GTF2IRD1: variants seen among roughly 807,000 people sequenced by gnomAD.
The protein encoded by GTF2IRD1 is general transcription factor II-I repeat domain-containing protein 1.
A neutral mutation model predicts 113.2 loss-of-function variants in GTF2IRD1; 26 were observed. That is an observed-to-expected ratio of 0.23 (90% confidence interval 0.17 to 0.32). GTF2IRD1 has a LOEUF of 0.32. Ranked by LOEUF, GTF2IRD1 falls within the 10% of genes least tolerant of loss-of-function variation. The pLI is 1.00. For missense variants in GTF2IRD1, 864 were observed against 1,280.8 expected, an observed-to-expected ratio of 0.67 and a Z score of 4.97; for synonymous variants, 484 against 529.1, an observed-to-expected ratio of 0.91 and a Z score of 1.17.
chr7:74,508,924 A>G (rs73364478), intron 2 of GTF2IRD1, among the ~76,000 whole-genome samples: 15,172 of 152,016 alleles, frequency 0.1, 1,872 homozygotes, highest in East Asian at 0.39. Flanking sequence ...AGAGAAACCG[A>G]GCTTTGTATA....
At position 74,602,561 on chromosome 7, in the gene GTF2IRD1, C is replaced by A; in HGVS notation, c.*128C>A. The A allele has an allele frequency of 3.5e-6, 2 of 563,666 alleles. No homozygotes were observed. The highest frequency in any genetic ancestry group is 3.9e-5 in the South Asian group (1 of 25,842). 34.9% of individuals were successfully genotyped at this position (563,666 alleles called of 1,614,324 possible). A position where few individuals can be genotyped will look rare whatever the true frequency, so the allele number is the denominator to read the frequency against. The stretch of plus-strand genomic sequence containing the variant: ...AATGATTTTTACACTATATTCCTGC[C>A]ACCAAGGCCTTTTTAAATAAGTAAA... On this transcript the variant is annotated 3_prime_UTR_variant, in exon 27 of 27. Transcript: ENST00000424337.
intron 2 of GTF2IRD1, among the ~76,000 whole-genome samples, chr7:74,511,611 C>T (rs1333934845): frequency 3.3e-5 from 5 of 152,204 alleles, no homozygotes; most frequent in African/African-American, 9.7e-5. Context: ...GGCCCCACGC[C>T]GCGTGCACCT....
intron 10 of GTF2IRD1, among the ~76,000 whole-genome samples, 195 bp from the exon 11 acceptor site, chr7:74,535,972 C>T (rs1399660895): frequency 2.6e-5 from 4 of 152,210 alleles, no homozygotes; most frequent in African/African-American, 4.8e-5. Context: ...GCTGCTGTTC[C>T]TCCTTCTGGC....
At chr7:74,557,837 G>A (rs1799694055) in intron 20 of GTF2IRD1, 115 bp downstream of exon 20, 1 of 656,354 alleles carries the variant, frequency 1.5e-6, no homozygotes, top group Non-Finnish European at 2.7e-6. Context: ...CCCTTTACAT[G>A]TATTTCTTGA....
At chr7:74,465,497 A>G (rs1033804352) in intron 1 of GTF2IRD1, among the ~76,000 whole-genome samples, 1 of 152,174 alleles carries the variant, frequency 6.6e-6, no homozygotes, top group Admixed American at 6.6e-5. Context: ...TCTGAGCCTC[A>G]TCTGAAAAAA....
At chr7:74,582,118 C>T (rs1290889424) in intron 22 of GTF2IRD1, among the ~76,000 whole-genome samples, 2 of 152,250 alleles carry the variant, frequency 1.3e-5, no homozygotes, top group Non-Finnish European at 2.9e-5. Context: ...GTCTCGGTTG[C>T]AGCGGGGGCC....
At chr7:74,589,484 G>C (rs1245649148) in intron 22 of GTF2IRD1, among the ~76,000 whole-genome samples, 2 of 152,048 alleles carry the variant, frequency 1.3e-5, no homozygotes, top group Non-Finnish European at 2.9e-5. Context: ...GATCACCTGA[G>C]CCAGGAGTTT....
At chr7:74,554,065 T>C (rs587720936) in intron 17 of GTF2IRD1, among the ~76,000 whole-genome samples, 18 of 152,282 alleles carry the variant, frequency 1.2e-4, no homozygotes, top group African/African-American at 4.1e-4. Context: ...CCTGAGAGTT[T>C]GGCCTTTGGG....
intron 17 of GTF2IRD1, among the ~76,000 whole-genome samples, chr7:74,550,058 C>T (rs1799213559): frequency 6.6e-6 from 1 of 151,208 alleles, no homozygotes; most frequent in East Asian, 1.9e-4. Flanking sequence ...ATTAGCCAGG[C>T]ATGGTGGCAT....
chr7:74,518,981 A>G (rs1797108858), intron 5 of GTF2IRD1, among the ~76,000 whole-genome samples: 1 of 152,182 alleles, frequency 6.6e-6, no homozygotes, highest in African/African-American at 2.4e-5. Context: ...TTAGGGATCC[A>G]GGGGAGATTA....
chr7:74,482,857 A>G (rs1469104317), intron 1 of GTF2IRD1, among the ~76,000 whole-genome samples: 2 of 152,142 alleles, frequency 1.3e-5, no homozygotes, highest in African/African-American at 4.8e-5. Context: ...TGCCTTTTCC[A>G]ATAGACGGGG....
intron 22 of GTF2IRD1, among the ~76,000 whole-genome samples, chr7:74,561,333 G>A (rs117884938): frequency 0.016 from 2,227 of 138,692 alleles, 35 homozygotes; most frequent in Non-Finnish European, 0.02. Context: ...TGGGCGACGG[G>A]ACTAGATTGT....
intron 21 of GTF2IRD1, among the ~76,000 whole-genome samples, chr7:74,559,268 A>C (rs1554358305): frequency 6.6e-6 from 1 of 152,180 alleles, no homozygotes; most frequent in Non-Finnish European, 1.5e-5. Context: ...TGGCAAGGGC[A>C]GCCTTTGAGG....
Position 74,545,752 on chromosome 7 carries a change from G to A in GTF2IRD1, c.1675G>A (p.Gly559Ser), listed in dbSNP as rs782304881. ...PEERPVEDSH[G>S]DVIRPLRKQV... ...TGCCTTTTGCCTTCCAGACAGCCACGGTGACGTGATCCGGCCCCTGCGGAA... is the reference window on the plus strand; with the variant it reads ...TGCCTTTTGCCTTCCAGACAGCCACAGTGACGTGATCCGGCCCCTGCGGAA... The change falls in exon 16 of 27, where the codon GGT becomes AGT. Residue 559 changes from glycine to serine, a missense_variant. This residue lies in a region of GTF2IRD1 where 218 missense variants were observed against 352.6 expected (regional missense o/e 0.62). Coordinates refer to ENST00000424337, the MANE Select transcript of GTF2IRD1 (RefSeq NM_005685.4). 73 of 1,612,440 alleles carry A rather than the reference G, an allele frequency of 4.5e-5. No homozygotes were observed. Among genetic ancestry groups the A allele is most frequent in the Non-Finnish European group, 5.8e-5 (69 of 1,179,714 alleles).
At chr7:74,491,832 G>A (rs1193275514) in intron 1 of GTF2IRD1, among the ~76,000 whole-genome samples, 1 of 152,068 alleles carries the variant, frequency 6.6e-6, no homozygotes, top group Non-Finnish European at 1.5e-5. Context: ...CTATTCCTTT[G>A]GGTATATACC....
intron 22 of GTF2IRD1, among the ~76,000 whole-genome samples, chr7:74,568,183 G>C (rs184628529): frequency 3.8e-3 from 582 of 151,862 alleles, no homozygotes; most frequent in Non-Finnish European, 7.2e-3. Flanking sequence ...AGGATGGGGG[G>C]AATGGCAAGA....
At chr7:74,568,508 C>T (rs181906148) in intron 22 of GTF2IRD1, among the ~76,000 whole-genome samples, 250 of 151,982 alleles carry the variant, frequency 1.6e-3, no homozygotes, top group African/African-American at 5.6e-3. Flanking sequence ...ATTAGCTGGG[C>T]GTGATGGCGG....
chr7:74,563,067 G>A (rs1361205401), intron 22 of GTF2IRD1, among the ~76,000 whole-genome samples: 1 of 152,004 alleles, frequency 6.6e-6, no homozygotes, highest in Non-Finnish European at 1.5e-5. Flanking sequence ...CTTGCACTAG[G>A]GCCTGGAACC....
intron 1 of GTF2IRD1, among the ~76,000 whole-genome samples, chr7:74,469,335 A>T (rs7777409): frequency 0.012 from 1,851 of 151,552 alleles, 21 homozygotes; most frequent in Non-Finnish European, 0.017. Context: ...TGTTTTTTTT[A>T]AAATATATTC....
Sources: allele counts gnomAD v4.1 joint callset (sites outside exome capture counted in the v4.1 genomes callset), GRCh38; gene constraint gnomAD v4.1.1; regional missense constraint gnomAD v4.1.1; transcripts MANE v1.5; gene names NCBI Gene and HGNC (gene_info 2026-07-23, HGNC 2026-07-21).